ANKRD13D: variants seen among roughly 807,000 people sequenced by gnomAD.
The protein encoded by ANKRD13D is ankyrin repeat domain 13D, also known as ankyrin repeat domain-containing protein 13D.
Under a neutral mutation model 68.8 loss-of-function variants are expected in ANKRD13D, and 24 were observed. The ratio of observed to expected loss-of-function variants is 0.35; its 90% confidence interval spans 0.25 to 0.49. The LOEUF is 0.49. Among genes scored for constraint, ANKRD13D ranks in the 20% least tolerant of loss-of-function variants. The pLI is 0.99. For synonymous variants in ANKRD13D, 331 were observed against 336.1 expected (o/e 0.98, Z 0.16); for missense variants, 735 against 832.1 (o/e 0.88, Z 1.44).
chr11:67,300,791 G>A lies in ANKRD13D; in HGVS notation c.1074-199G>A. 1.6e-6 allele frequency: 1 copy of A among 635,098 alleles called. No homozygotes were observed. The highest frequency in any genetic ancestry group is 3.1e-5 in the Admixed American group (1 of 32,680). 39.3% of individuals were successfully genotyped at this position (635,098 alleles called of 1,614,324 possible). A position where few individuals can be genotyped will look rare whatever the true frequency, so the allele number is the denominator to read the frequency against. On this transcript the variant is annotated intron_variant, in intron 10 of 14. Coordinates refer to ENST00000511455, the MANE Select transcript of ANKRD13D (RefSeq NM_207354.3). The surrounding 1 kb of genome is among the most constrained non-coding windows in gnomAD (Gnocchi z 4.3). ...GAAATCCTCAGGAGCCCCAGCCTGG[G>A]CCCAGGGAGGAGGGCAGCTTGGGCC...
intron 5 of ANKRD13D, 92 bp from the exon 6 acceptor site, chr11:67,291,899 G>A: frequency 2.7e-6 from 4 of 1,504,966 alleles, no homozygotes; most frequent in South Asian, 2.6e-5. Context: ...CCACTTGGCA[G>A]CAGGTGGCTG....
intron 6 of ANKRD13D, chr11:67,298,802 TTTA>T (rs1443027823): frequency 3.9e-6 from 2 of 514,854 alleles, no homozygotes; most frequent in Non-Finnish European, 7.0e-6. Context: ...CAAGGATGTT[TTTA>T]AACCCAGCCC....
At chr11:67,297,347 C>T (rs1049570196) in intron 6 of ANKRD13D, among the ~76,000 whole-genome samples, 3 of 151,914 alleles carry the variant, frequency 2.0e-5, no homozygotes, top group Admixed American at 1.3e-4. Flanking sequence ...GCTGGGAACA[C>T]AGGCGCCAGC....
Position 67,301,116 on chromosome 11 carries a change from G to A in ANKRD13D, c.1200G>A (p.Leu400=), listed in dbSNP as rs766582929. 1.2e-6 allele frequency: 2 copies of A among 1,614,018 alleles called. No individual in the cohort carries two copies. The highest frequency in any genetic ancestry group is 2.2e-5 in the East Asian group (1 of 44,886). Residue 400 remains leucine (L), a synonymous_variant, in exon 11 of 15, where the codon CTG becomes CTA. Transcript: ENST00000511455. This position sits in a 1 kb window ranked among gnomAD's most constrained non-coding sequence, Gnocchi z 4.5. ...CCAAGCTGCGCGACTTCATCACTCT[G>A]CGCCTTCCACCTGGCTTCCCCGTCA... The part of the protein sequence containing the change: ...HFAKLRDFIT[L]RLPPGFPVKI...
chr11:67,302,327 C>T lies in ANKRD13D; in HGVS notation c.1813C>T (p.His605Tyr), dbSNP rs1397483610. The change falls in exon 15 of 15, where the codon CAC becomes TAC. Residue 605 changes from histidine to tyrosine, a missense_variant. His to Tyr is a moderately conservative substitution (Grantham distance 83). Transcript: ENST00000511455. ...QRILQLSLTE[H>Y] is the part of the protein sequence containing the mutation. Reference sequence around the variant, plus strand: ...GATCCTGCAGCTGTCACTCACTGAGCACTGAGCCATAGCCCCGGGAGGGCT... The same window carrying T: ...GATCCTGCAGCTGTCACTCACTGAGTACTGAGCCATAGCCCCGGGAGGGCT... 3 of 1,525,208 alleles carry T rather than the reference C, an allele frequency of 2.0e-6. No individual in the cohort carries two copies. Among genetic ancestry groups the T allele is most frequent in the Non-Finnish European group, 2.7e-6 (3 of 1,128,654 alleles). The allele number at this position is 1,525,208 out of a possible 1,614,324, so 94.5% of individuals were successfully genotyped here.
rs781606790 is a variant in ANKRD13D, at chr11:67,301,391, C to T, written c.1341C>T (p.Ala447=). The change falls in exon 12 of 15, where the codon GCC becomes GCT. Residue 447 remains alanine (A), a synonymous_variant. Transcript: ENST00000511455. This position sits in a 1 kb window ranked among gnomAD's most constrained non-coding sequence, Gnocchi z 4.5. ...TGCCGGCCCCCAGCTCTGCTGTTGC[C>T]GCATCAGGTACCCCAACGGGAGGAA... ...VWVPAPSSAV[A]ASGNPFPCEV... The T allele has an allele frequency of 1.3e-5, 21 of 1,610,866 alleles. No homozygotes were observed. The Admixed American group carries it at 2.3e-4, about 18-fold the overall frequency.
Position 67,301,455 on chromosome 11 carries a change from G to A in ANKRD13D, c.1349-33G>A, listed in dbSNP as rs749569602. The A allele has an allele frequency of 2.1e-5, 34 of 1,608,326 alleles. No individual in the cohort carries two copies. Among genetic ancestry groups the A allele is most frequent in the South Asian group, 8.8e-5 (8 of 90,740 alleles). On this transcript the variant is annotated intron_variant, in intron 12 of 14. Coordinates refer to ENST00000511455, the MANE Select transcript of ANKRD13D (RefSeq NM_207354.3). This position sits in a 1 kb window ranked among gnomAD's most constrained non-coding sequence, Gnocchi z 4.5. ...CAGCTTTCTGGTCACCAAGCCCCGCGGGTTGAGCGTGGCCCCTCTGCCACC... is the reference window on the plus strand; with the variant it reads ...CAGCTTTCTGGTCACCAAGCCCCGCAGGTTGAGCGTGGCCCCTCTGCCACC...
intron 6 of ANKRD13D, among the ~76,000 whole-genome samples, chr11:67,293,746 A>C (rs1354538423): frequency 6.6e-6 from 1 of 152,180 alleles, no homozygotes; most frequent in Non-Finnish European, 1.5e-5. Flanking sequence ...TTAAACTCTT[A>C]GGCTGAAGCG....
intron 6 of ANKRD13D, among the ~76,000 whole-genome samples, chr11:67,293,982 G>GA (rs1163596386): frequency 2.0e-5 from 3 of 152,124 alleles, no homozygotes; most frequent in Admixed American, 6.5e-5. Flanking sequence ...CCCCTTTGTT[G>GA]AAAAGACTAT....
At chr11:67,292,970 A>T (rs1860633788) in intron 6 of ANKRD13D, among the ~76,000 whole-genome samples, 1 of 152,166 alleles carries the variant, frequency 6.6e-6, no homozygotes, top group Admixed American at 6.5e-5. Context: ...GGTTCATCCA[A>T]GTTGTAGCAC....
Position 67,299,251 on chromosome 11 carries a change from G to A in ANKRD13D, c.798+127G>A. On this transcript the variant is annotated intron_variant, in intron 7 of 14. Transcript: ENST00000511455. This position sits in a 1 kb window ranked among gnomAD's most constrained non-coding sequence, Gnocchi z 6.2. Reference sequence around the variant, plus strand: ...CCTGAGCATTTGTGGGAACTCAGCGGGCCTGAGTGCCCAGCCCCTGCGGAG... The same window carrying A: ...CCTGAGCATTTGTGGGAACTCAGCGAGCCTGAGTGCCCAGCCCCTGCGGAG... 1 of 1,179,792 alleles carries A rather than the reference G, an allele frequency of 8.5e-7. No homozygotes were observed. The highest frequency in any genetic ancestry group is 1.2e-6 in the Non-Finnish European group (1 of 811,834). The allele number at this position is 1,179,792 out of a possible 1,614,324, so 73.1% of individuals were successfully genotyped here.
chr11:67,289,619 G>T, intron 1 of ANKRD13D, 69 bp downstream of exon 1: 1 of 1,224,896 alleles, frequency 8.2e-7, no homozygotes, highest in Non-Finnish European at 1.0e-6. Flanking sequence ...CTCCGTCCTG[G>T]AGCCCCCCCC....
In ANKRD13D at chr11:67,302,223, G is replaced by A. The variant is rs753397430; in HGVS notation, c.1709G>A (p.Arg570His). 1.7e-5 allele frequency: 27 copies of A among 1,580,306 alleles called. No individual in the cohort carries two copies. The highest frequency in any genetic ancestry group is 3.5e-5 in the South Asian group (3 of 86,532). The change falls in exon 15 of 15, where the codon CGC becomes CAC. Residue 570 changes from arginine to histidine, a missense_variant. Physicochemically the swap from Arg to His is conservative, Grantham distance 29. Coordinates refer to ENST00000511455, the MANE Select transcript of ANKRD13D (RefSeq NM_207354.3). ...PGPPSFEEQL[R>H]LALELSSREQ... ...CCACCCAGCTTTGAAGAGCAGCTGC[G>A]CCTGGCCCTGGAGTTGTCTTCACGG...
At position 67,292,047 on chromosome 11, in the gene ANKRD13D, A is replaced by G; in HGVS notation, c.598A>G (p.Thr200Ala). 6.2e-7 allele frequency: 1 copy of G among 1,602,566 alleles called. No individual in the cohort carries two copies. Among genetic ancestry groups the G allele is most frequent in the Non-Finnish European group, 8.5e-7 (1 of 1,171,822 alleles). The change falls in exon 6 of 15, where the codon ACA (threonine) becomes GCA (alanine). Residue 200 changes from threonine (T) to alanine (A), a missense_variant. Thr to Ala is a moderately conservative substitution (Grantham distance 58, BLOSUM62 0). Transcript: ENST00000511455. The stretch of plus-strand genomic sequence containing the variant: ...TGACCGGCAGGTGGTGCATGTGGAG[A>G]CACTGGGGCTCACTCTGCAGGAGCC... ...DHDRQVVHVE[T>A]LGLTLQEPET...
At position 67,289,532 on chromosome 11, in the gene ANKRD13D, C is replaced by T. The variant is rs575513371; in HGVS notation, c.72C>T (p.Ala24=). 8.6e-4 allele frequency: 1,313 copies of T among 1,524,588 alleles called. 24 individuals are homozygous for T. The South Asian group carries it at 0.015, about 17-fold the overall frequency. The allele number at this position is 1,524,588 out of a possible 1,614,324, so 94.4% of individuals were successfully genotyped here. ...CGAACCGGCATCGCGAACTGGAGGC[C>T]GCACTGCACAGCCACCAGGTGAGGC... ...VWANRHRELE[A]ALHSHQHDIE... Residue 24 remains alanine, a synonymous_variant, in exon 1 of 15, where the codon GCC becomes GCT. Transcript: ENST00000511455.
chr11:67,296,417 G>A (rs1024503817), intron 6 of ANKRD13D, among the ~76,000 whole-genome samples: 1 of 151,624 alleles, frequency 6.6e-6, no homozygotes, highest in Non-Finnish European at 1.5e-5. Context: ...CTCTTGACTT[G>A]TTATCCATCT....
chr11:67,289,500 G>A lies in ANKRD13D; in HGVS notation c.40G>A (p.Val14Ile), dbSNP rs960072783. The change falls in exon 1 of 15, where the codon GTC (valine) becomes ATC (isoleucine). Residue 14 changes from valine (V) to isoleucine (I), a missense_variant. Transcript: ENST00000511455. The part of the protein sequence containing the change: ...PGPTFPLHRL[V>I]WANRHRELEA... Reference sequence around the variant, plus strand: ...CCCCACCTTCCCGCTGCACCGGCTCGTCTGGGCGAACCGGCATCGCGAACT... The same window carrying A: ...CCCCACCTTCCCGCTGCACCGGCTCATCTGGGCGAACCGGCATCGCGAACT... 4.0e-6 allele frequency: 6 copies of A among 1,518,988 alleles called. No homozygotes were observed. In the South Asian group the frequency reaches 4.8e-5, roughly 12 times the overall value. The allele number at this position is 1,518,988 out of a possible 1,614,324, so 94.1% of individuals were successfully genotyped here.
chr11:67,300,664 C>T lies in ANKRD13D; in HGVS notation c.1074-326C>T, dbSNP rs1376928673. The T allele has an allele frequency of 1.9e-5, 9 of 471,462 alleles. No homozygotes were observed. Among genetic ancestry groups the T allele is most frequent in the Non-Finnish European group, 3.4e-5 (9 of 268,442 alleles). The allele number at this position is 471,462 out of a possible 1,614,324, so 29.2% of individuals were successfully genotyped here. A position where few individuals can be genotyped will look rare whatever the true frequency, so the allele number is the denominator to read the frequency against. Reference sequence around the variant, plus strand: ...AGTTTGGCAACACGTGAGCTGGTGACCAGCTCTGGGCTGAGGAGGAAAACG... The same window carrying T: ...AGTTTGGCAACACGTGAGCTGGTGATCAGCTCTGGGCTGAGGAGGAAAACG... On this transcript the variant is annotated intron_variant, in intron 10 of 14. Transcript: ENST00000511455. The surrounding 1 kb of genome is among the most constrained non-coding windows in gnomAD (Gnocchi z 4.3).
intron 5 of ANKRD13D, 97 bp from the exon 6 acceptor site, chr11:67,291,894 T>C (rs564526871): frequency 6.7e-7 from 1 of 1,502,838 alleles, no homozygotes; most frequent in East Asian, 2.3e-5. Context: ...CTGACCCACT[T>C]GGCAGCAGGT....
Sources: gnomAD v4.1 joint callset for allele counts (sites outside exome capture counted in the v4.1 genomes callset) on GRCh38, gnomAD v4.1.1 for gene constraint, Gnocchi (gnomAD v3.1) non-coding constraint, MANE v1.5 for transcripts, NCBI Gene and HGNC (gene_info 2026-07-23, HGNC 2026-07-21) for gene names.